Variants in NAALAD2 observed in about 807,000 individuals in gnomAD.
NAALAD2 encodes the protein N-acetylated alpha-linked acidic dipeptidase 2.
NAALAD2 carries 89 observed loss-of-function variants against 95.6 expected under a neutral mutation model. The observed-to-expected ratio is 0.93, with a 90% CI of 0.78 to 1.11. The LOEUF is 1.11. Among genes scored for constraint, NAALAD2 ranks in the 50% least tolerant of loss-of-function variants. NAALAD2 has a pLI of 0.00. For synonymous variants in NAALAD2, 264 were observed against 294.4 expected (o/e 0.90, Z 1.06); for missense variants, 894 against 872.4 (o/e 1.02, Z -0.31).
At chr11:90,163,673 G>A (rs1414025280) in intron 11 of NAALAD2, 56 bp downstream of exon 11, 2 of 1,461,306 alleles carry the variant, frequency 1.4e-6, no homozygotes, top group African/African-American at 1.4e-5. Flanking sequence ...GAACAAATAT[G>A]TATGTGTCTC....
intron 11 of NAALAD2, among the ~76,000 whole-genome samples, chr11:90,167,201 GGCGGGAACCGGGGCTGC>G (rs906831105): frequency 3.2e-4 from 48 of 152,292 alleles, no homozygotes; most frequent in Non-Finnish European, 6.0e-4. Flanking sequence ...GGAAGGAGCG[GGCGGGAACCGGGGCTGC>G]GCGGGCGCTT....
At chr11:90,187,958 T>C (rs1857208540) in intron 18 of NAALAD2, among the ~76,000 whole-genome samples, 1 of 152,176 alleles carries the variant, frequency 6.6e-6, no homozygotes, top group Non-Finnish European at 1.5e-5. Context: ...CAAAGAATGA[T>C]AGACTCAGAG....
rs186058191 is a variant in NAALAD2, at chr11:90,152,785, T to G, written c.796+301T>G. 2.4e-3 allele frequency among the ~76,000 whole-genome samples: 371 copies of G among 152,214 alleles called. 7 individuals carry two copies. Among genetic ancestry groups the G allele is most frequent in the Non-Finnish European group, 7.5e-4 (51 of 68,008 alleles). On this transcript the variant is annotated intron_variant, in intron 6 of 18. Coordinates refer to ENST00000534061, the MANE Select transcript of NAALAD2 (RefSeq NM_005467.4). ...AATGCTCCTTTTAACAAATGACAAT[T>G]TAGGTTTGCTGAATTACCGATAGAT...
In NAALAD2 at chr11:90,168,917, C is replaced by A; in HGVS notation, c.1279-12C>A. On this transcript the variant is annotated splice_polypyrimidine_tract_variant and intron_variant, in intron 11 of 18. Transcript: ENST00000534061. ...TAATGTGAATTAAGTAACAACTTTG[C>A]TTCAACTACAGGAGAATGTCAAAAT... is the stretch of plus-strand genomic sequence containing the variant. The A allele has an allele frequency of 6.3e-7, 1 of 1,594,896 alleles. No homozygotes were observed. Among genetic ancestry groups the A allele is most frequent in the Non-Finnish European group, 8.5e-7 (1 of 1,170,252 alleles).
rs1952213167 is a variant in NAALAD2, at chr11:90,159,229, A to AT, written c.891-6dup. 7 of 1,602,330 alleles carry AT rather than the reference A, an allele frequency of 4.4e-6. No individual in the cohort carries two copies. The highest frequency in any genetic ancestry group is 6.0e-6 in the Non-Finnish European group (7 of 1,170,378). ...AGCCTTTTTCTGTCACTTTCATTTT[A>AT]TTTTGTCAGCTACTTGGGAGGAATT... is the stretch of plus-strand genomic sequence containing the variant. On this transcript the variant is annotated splice_polypyrimidine_tract_variant and intron_variant, in intron 7 of 18. Transcript: ENST00000534061.
intron 11 of NAALAD2, among the ~76,000 whole-genome samples, chr11:90,166,994 A>G (rs1480640878): frequency 6.6e-6 from 1 of 152,202 alleles, no homozygotes; most frequent in Non-Finnish European, 1.5e-5. Context: ...TATTAAAAAT[A>G]CAAAAATTAG....
chr11:90,135,212 C>G (rs1951424408), intron 1 of NAALAD2: 2 of 306,244 alleles, frequency 6.5e-6, no homozygotes, highest in South Asian at 1.4e-4. Flanking sequence ...CAAAGCAAAA[C>G]AAAACCCTGC....
At chr11:90,179,418 A>T (rs1323967733) in intron 16 of NAALAD2, among the ~76,000 whole-genome samples, 1 of 152,136 alleles carries the variant, frequency 6.6e-6, no homozygotes, top group African/African-American at 2.4e-5. Flanking sequence ...AGAGTACTAT[A>T]AAAACACAGA....
rs150054425 is a variant in NAALAD2 at position 90,158,010 on chromosome 11, C to T, written c.797-135C>T. On this transcript the variant is annotated intron_variant, in intron 6 of 18. Coordinates refer to ENST00000534061, the MANE Select transcript of NAALAD2 (RefSeq NM_005467.4). ...CTGGGATGACAGGTGTGAGCCACCA[C>T]GCCTGGCCAGGAACTTTTAATTTTG... 8.0e-3 allele frequency: 5,266 copies of T among 659,168 alleles called. 207 individuals are homozygous for T. The African/African-American group carries it at 0.084, about 10-fold the overall frequency. The allele number at this position is 659,168 out of a possible 1,614,324, so 40.8% of individuals were successfully genotyped here.
intron 2 of NAALAD2, among the ~76,000 whole-genome samples, chr11:90,145,521 C>T (rs752466530): frequency 6.6e-6 from 1 of 151,906 alleles, no homozygotes; most frequent in Admixed American, 6.6e-5. Flanking sequence ...TTTTTTATTC[C>T]TATACATATA....
Position 90,159,434 on chromosome 11 carries a change from T to G in NAALAD2, c.989+97T>G, listed in dbSNP as rs1408312769. 3 of 823,646 alleles carry G rather than the reference T, an allele frequency of 3.6e-6. No homozygotes were observed. The African/African-American group carries it at 5.2e-5, about 14-fold the overall frequency. 51.0% of individuals were successfully genotyped at this position (823,646 alleles called of 1,614,324 possible). ...CTGCCAGGGGTATTTTGCTTATCTC[T>G]TTTTCTCTTTCTAAACAACCATTTT... On this transcript the variant is annotated intron_variant, in intron 8 of 18. Transcript: ENST00000534061.
chr11:90,173,080 A>G (rs1270079764), intron 13 of NAALAD2, among the ~76,000 whole-genome samples: 3 of 152,196 alleles, frequency 2.0e-5, no homozygotes, highest in South Asian at 4.1e-4. Flanking sequence ...TCCACAGTCC[A>G]CAATGTTTTC....
intron 2 of NAALAD2, among the ~76,000 whole-genome samples, chr11:90,136,805 A>G (rs769185249): frequency 6.6e-6 from 1 of 152,218 alleles, no homozygotes; most frequent in East Asian, 1.9e-4. Flanking sequence ...GATGATAAGC[A>G]TAAGTTTAAC....
At chr11:90,143,509 G>A (rs909462256) in intron 2 of NAALAD2, among the ~76,000 whole-genome samples, 6 of 152,100 alleles carry the variant, frequency 3.9e-5, no homozygotes, top group Non-Finnish European at 8.8e-5. Flanking sequence ...GTTTTACTAT[G>A]TGTCTAGGCA....
chr11:90,140,937 A>C (rs982137651), intron 2 of NAALAD2, among the ~76,000 whole-genome samples: 2 of 152,080 alleles, frequency 1.3e-5, no homozygotes, highest in East Asian at 3.9e-4. Context: ...AGAATGGCCA[A>C]CTGCTCTATC....
rs968191257 is a variant in NAALAD2, at chr11:90,169,205, T to A, written c.1342+213T>A. ...TTAGGATTCATATGAATTGATATGATTCATAACTAAGCTATTGCTTTTAAT... is the reference window on the plus strand; with the variant it reads ...TTAGGATTCATATGAATTGATATGAATCATAACTAAGCTATTGCTTTTAAT... On this transcript the variant is annotated intron_variant, in intron 12 of 18. Transcript: ENST00000534061. 9.3e-6 allele frequency: 4 copies of A among 428,140 alleles called. No individual in the cohort carries two copies. In the Admixed American group the frequency reaches 1.7e-4, roughly 19 times the overall value. The allele number at this position is 428,140 out of a possible 1,614,324, so 26.5% of individuals were successfully genotyped here. A position where few individuals can be genotyped will look rare whatever the true frequency, so the allele number is the denominator to read the frequency against.
rs1020073750 is a variant in NAALAD2, at chr11:90,156,531, A to G, written c.797-1614A>G. On this transcript the variant is annotated intron_variant, in intron 6 of 18. Transcript: ENST00000534061. ...ATTATTTAGTGCTATACCTCTCCCT[A>G]TAAGCACTACTTTAGCTGCATCCTA... 2.0e-5 allele frequency among the ~76,000 whole-genome samples: 3 copies of G among 152,208 alleles called. No homozygotes were observed. The South Asian group carries it at 6.2e-4, about 32-fold the overall frequency.
intron 11 of NAALAD2, 27 bp downstream of exon 11, chr11:90,163,644 T>G (rs1952358567): frequency 6.2e-7 from 1 of 1,606,152 alleles, no homozygotes; most frequent in Non-Finnish European, 8.5e-7. Flanking sequence ...AGGTTCTTAT[T>G]ATTTTTTTGG....
upstream of NAALAD2, among the ~76,000 whole-genome samples, chr11:90,132,706 G>A (rs950506090): frequency 6.6e-6 from 1 of 152,140 alleles, no homozygotes; most frequent in Non-Finnish European, 1.5e-5. Flanking sequence ...TATTTGAGGG[G>A]TTTAGTTACT....
Sources: gnomAD v4.1 joint callset for allele counts (sites outside exome capture counted in the v4.1 genomes callset) on GRCh38, gnomAD v4.1.1 for gene constraint, MANE v1.5 for transcripts, NCBI Gene and HGNC (gene_info 2026-07-23, HGNC 2026-07-21) for gene names.